Variants in EYA2 observed in about 807,000 individuals in gnomAD.
EYA2 encodes the protein protein phosphatase EYA2.
EYA2 carries 31 observed loss-of-function variants against 69.2 expected under a neutral mutation model. That is an observed-to-expected ratio of 0.45 (90% CI 0.34 to 0.60). EYA2 has a LOEUF of 0.60. Among genes scored for constraint, EYA2 ranks in the 20% least tolerant of loss-of-function variants. EYA2 has a pLI of 0.02. For missense variants in EYA2, 622 were observed against 701.2 expected (o/e 0.89, Z 1.28); for synonymous variants, 257 against 279.4 (o/e 0.92, Z 0.80).
At chr20:46,973,851 A>C (rs969160623) in intron 1 of EYA2, among the ~76,000 whole-genome samples, 1 of 152,090 alleles carries the variant, frequency 6.6e-6, no homozygotes, top group Non-Finnish European at 1.5e-5. Flanking sequence ...GCCAACCTCA[A>C]AACAAGAATA....
chr20:47,115,038 A>G (rs2032851793), intron 9 of EYA2, among the ~76,000 whole-genome samples: 1 of 152,214 alleles, frequency 6.6e-6, no homozygotes. Context: ...CCTGGCTCAG[A>G]TATTTCTTTA....
intron 12 of EYA2, among the ~76,000 whole-genome samples, chr20:47,177,812 A>G (rs2078342598): frequency 1.3e-5 from 2 of 152,278 alleles, no homozygotes; most frequent in Admixed American, 1.3e-4. Context: ...AACTGCTGCT[A>G]TGATGGCGAA....
At chr20:46,977,072 G>GAAAAAACATCCTGGACC (rs1317203163) in intron 1 of EYA2, among the ~76,000 whole-genome samples, 1 of 152,120 alleles carries the variant, frequency 6.6e-6, no homozygotes, top group East Asian at 1.9e-4. Flanking sequence ...TTATTAGAGT[G>GAAAAAACATCCTGGACC]AAAAAACATC....
At chr20:47,026,102 C>T (rs1486530931) in intron 5 of EYA2, among the ~76,000 whole-genome samples, 2 of 152,146 alleles carry the variant, frequency 1.3e-5, no homozygotes, top group Non-Finnish European at 2.9e-5. Context: ...ATACACTCAC[C>T]GATCAATAGA....
At chr20:47,183,971 G>A (rs1289943724) in intron 15 of EYA2, among the ~76,000 whole-genome samples, 3 of 152,096 alleles carry the variant, frequency 2.0e-5, no homozygotes, top group Admixed American at 6.6e-5. Context: ...CTTAATTAGG[G>A]GGACCTGGTT....
intron 4 of EYA2, among the ~76,000 whole-genome samples, chr20:47,010,813 A>T (rs1234590448): frequency 3.5e-5 from 5 of 144,804 alleles, no homozygotes; most frequent in African/African-American, 1.3e-4. Flanking sequence ...TTTGAGATGT[A>T]GTCTTGCTGT....
rs527740318 is a variant in EYA2 at position 47,045,040 on chromosome 20, G to A, written c.416-27145G>A. 5.3e-5 allele frequency among the ~76,000 whole-genome samples: 8 copies of A among 152,328 alleles called. No individual in the cohort carries two copies. In the East Asian group the frequency reaches 1.2e-3, roughly 22 times the overall value. On this transcript the variant is annotated intron_variant, in intron 5 of 15. Coordinates refer to ENST00000327619, the MANE Select transcript of EYA2 (RefSeq NM_005244.5). ...GGGGAAATACTAAGCCCAGTGTATG[G>A]ACTGGTGATTGCTGTGTAACAAAAC... is the stretch of plus-strand genomic sequence containing the variant.
intron 1 of EYA2, chr20:46,979,341 G>A (rs116442044): frequency 0.013 from 1,925 of 152,574 alleles, 36 homozygotes; most frequent in African/African-American, 0.044. Context: ...GGCACAAGCC[G>A]CAGGCAGCAG....
rs3085766 is a variant in EYA2, at chr20:46,898,394, A to AACACACAC, written c.-11+3430_-11+3437dup. 6.2e-4 allele frequency among the ~76,000 whole-genome samples: 91 copies of AACACACAC among 146,564 alleles called. 1 individual carries two copies. The highest frequency in any genetic ancestry group is 1.5e-3 in the African/African-American group (61 of 39,932). ...AAGAAAACACAGCCTGTTGACAGAA[A>AACACACAC]ACACACACACACACACACACACACA... On this transcript the variant is annotated intron_variant, in intron 1 of 15. Transcript: ENST00000327619.
At position 46,919,329 on chromosome 20, in the gene EYA2, G is replaced by A. The variant is rs551237378; in HGVS notation, c.-11+24342G>A. On this transcript the variant is annotated intron_variant, in intron 1 of 15. Coordinates refer to ENST00000327619, the MANE Select transcript of EYA2 (RefSeq NM_005244.5). ...CCCTAGATGGGATCTTCTTCCAATC[G>A]AATGCTGTTTTGTCTGCATTAAGAA... is the stretch of plus-strand genomic sequence containing the variant. 2.0e-5 allele frequency among the ~76,000 whole-genome samples: 3 copies of A among 152,318 alleles called. No individual in the cohort carries two copies. The South Asian group carries it at 6.2e-4, about 32-fold the overall frequency.
chr20:46,999,262 C>T (rs762930424), intron 2 of EYA2, among the ~76,000 whole-genome samples: 2 of 152,180 alleles, frequency 1.3e-5, no homozygotes, highest in African/African-American at 2.4e-5. Context: ...TGGGCTTTTA[C>T]GAGGAATGAG....
intron 12 of EYA2, among the ~76,000 whole-genome samples, chr20:47,175,315 A>G (rs1050678844): frequency 6.6e-6 from 1 of 152,322 alleles, no homozygotes; most frequent in South Asian, 2.1e-4. Flanking sequence ...AATAGAGAAA[A>G]TGCTTAGTAA....
chr20:46,975,423 A>T (rs1980400845), intron 1 of EYA2, among the ~76,000 whole-genome samples: 1 of 152,226 alleles, frequency 6.6e-6, no homozygotes, highest in South Asian at 2.1e-4. Flanking sequence ...TAATCCCAGC[A>T]CTTTGGGAGG....
intron 5 of EYA2, among the ~76,000 whole-genome samples, chr20:47,037,983 C>T (rs1207188533): frequency 6.6e-6 from 1 of 152,186 alleles, no homozygotes; most frequent in African/African-American, 2.4e-5. Flanking sequence ...ACAGCATCTG[C>T]TGTGCAGCAG....
chr20:46,899,565 C>T (rs1326219405), intron 1 of EYA2, among the ~76,000 whole-genome samples: 1 of 152,176 alleles, frequency 6.6e-6, no homozygotes, highest in East Asian at 1.9e-4. Flanking sequence ...GTAGGCGCAG[C>T]CCAAGTCAAG....
rs946921875 is a variant in EYA2 at position 47,044,467 on chromosome 20, T to C, written c.416-27718T>C. On this transcript the variant is annotated intron_variant, in intron 5 of 15. Transcript: ENST00000327619. ...TTTGTAATAGAATAAATAAGTACATTGTATTGTAGGGTGAGAAACGCTATG... is the reference window on the plus strand; with the variant it reads ...TTTGTAATAGAATAAATAAGTACATCGTATTGTAGGGTGAGAAACGCTATG... 3.3e-5 allele frequency among the ~76,000 whole-genome samples: 5 copies of C among 151,846 alleles called. No individual in the cohort carries two copies. In the East Asian group the frequency reaches 5.8e-4, roughly 18 times the overall value.
intron 7 of EYA2, among the ~76,000 whole-genome samples, chr20:47,086,488 T>C (rs2031896564): frequency 6.6e-6 from 1 of 151,746 alleles, no homozygotes; most frequent in East Asian, 1.9e-4. Context: ...TGGCGGAAGG[T>C]AAAAGGGAAG....
At chr20:46,897,842 T>G (rs1478924027) in intron 1 of EYA2, among the ~76,000 whole-genome samples, 1 of 152,132 alleles carries the variant, frequency 6.6e-6, no homozygotes, top group Non-Finnish European at 1.5e-5. Flanking sequence ...GAGTTTTGTC[T>G]TTGCTGGGCA....
intron 5 of EYA2, among the ~76,000 whole-genome samples, chr20:47,040,327 C>T (rs926067223): frequency 2.6e-5 from 4 of 152,176 alleles, no homozygotes; most frequent in African/African-American, 7.2e-5. Context: ...GAAGTGGGAA[C>T]GGTCTTGGCA....
Sources: allele counts gnomAD v4.1 joint callset (sites outside exome capture counted in the v4.1 genomes callset), GRCh38; gene constraint gnomAD v4.1.1; transcripts MANE v1.5; gene names NCBI Gene and HGNC (gene_info 2026-07-23, HGNC 2026-07-21).